ZNF419: variants seen among roughly 807,000 people sequenced by gnomAD.
ZNF419 encodes zinc finger protein 419A.
Under a neutral mutation model 14.9 loss-of-function variants are expected in ZNF419, and 8 were observed. The ratio of observed to expected loss-of-function variants is 0.54; its 90% CI spans 0.32 to 0.97. ZNF419 has a LOEUF of 0.97. ZNF419 is among the 50% of genes least tolerant of loss of function. The probability of loss-of-function intolerance (pLI) is 0.04; values close to 1 mark genes in which losing one functional copy is unlikely to be tolerated. For synonymous variants in ZNF419, 211 were observed against 205.3 expected (o/e 1.03, Z -0.24); for missense variants, 595 against 607.2 (o/e 0.98, Z 0.21).
At chr19:57,491,297 A>G (rs6510084) in intron 2 of ZNF419, 174 bp from the exon 3 acceptor site, 630,224 of 903,870 alleles carry the variant, frequency 0.7, 220,288 homozygotes, top group South Asian at 0.79. Context: ...CTACCTGCCT[A>G]TTGTTGCTCA....
In ZNF419 at chr19:57,495,768, A is replaced by C. The variant is rs1219995203; in HGVS notation, c.*1678A>C. The stretch of plus-strand genomic sequence containing the variant: ...AAAAAAAAAAAAAAAAAAAAAAAAA[A>C]AGCCTTATGTGAGTATGCTACTGTA... On this transcript the variant is annotated 3_prime_UTR_variant, in exon 5 of 5. Transcript: ENST00000221735. 1 of 122,306 alleles carries C rather than the reference A, an allele frequency of 8.2e-6. No individual in the cohort carries two copies. Among genetic ancestry groups the C allele is most frequent in the Non-Finnish European group, 1.7e-5 (1 of 59,896 alleles). The allele number at this position is 122,306 out of a possible 1,614,324, so 7.6% of individuals were successfully genotyped here. A position where few individuals can be genotyped will look rare whatever the true frequency, so the allele number is the denominator to read the frequency against.
In ZNF419 at chr19:57,493,716, A is replaced by C. The variant is rs754985216; in HGVS notation, c.1159A>C (p.Met387Leu). The change falls in exon 5 of 5, where the codon ATG becomes CTG. Residue 387 changes from methionine (M) to leucine (L), a missense_variant. Physicochemically the swap from Met to Leu is conservative, Grantham distance 15. Transcript: ENST00000221735. ...GKFFTQCSSL[M>L]QHQKVHTGEK... ...ATTTTTTACCCAATGCTCAAGCCTC[A>C]TGCAACATCAAAAAGTTCACACTGG... is the stretch of plus-strand genomic sequence containing the variant. 3 of 1,613,998 alleles carry C rather than the reference A, an allele frequency of 1.9e-6. No individual in the cohort carries two copies. The highest frequency in any genetic ancestry group is 3.3e-5 in the Admixed American group (2 of 60,002).
At chr19:57,489,365 A>G (rs1033677554) in intron 1 of ZNF419, 1 of 152,278 alleles carries the variant, frequency 6.6e-6, no homozygotes, top group Admixed American at 6.5e-5. Flanking sequence ...GCACTTCATA[A>G]TTGGTTGTAA....
rs778957137 is a variant in ZNF419 at position 57,492,867 on chromosome 19, G to A, written c.310G>A (p.Gly104Arg). ...TTATCTTCTGTCAGGTTGTTGGCAT[G>A]GAGCCGAGGCTGAGGAGGCTCCTGA... The part of the protein sequence containing the change: ...TSAIPRGCWH[G>R]AEAEEAPEQI... The change falls in exon 5 of 5, where the codon GGA becomes AGA. Residue 104 changes from glycine (G) to arginine (R), a missense_variant. Transcript: ENST00000221735. 2 of 1,613,488 alleles carry A rather than the reference G, an allele frequency of 1.2e-6. No individual in the cohort carries two copies. The highest frequency in any genetic ancestry group is 1.7e-6 in the Non-Finnish European group (2 of 1,179,618).
At chr19:57,491,626 C>T (rs2123202897) in intron 3 of ZNF419, 29 bp downstream of exon 3, 1 of 1,614,124 alleles carries the variant, frequency 6.2e-7, no homozygotes, top group East Asian at 2.2e-5. Context: ...ACCCCAGCAT[C>T]CTGAGCTGGG....
rs2089390022 is a variant in ZNF419 at position 57,487,868 on chromosome 19, C to G, written c.-83C>G. The G allele has an allele frequency of 6.3e-7, 1 of 1,596,504 alleles. No individual in the cohort carries two copies. Among genetic ancestry groups the G allele is most frequent in the Non-Finnish European group, 8.6e-7 (1 of 1,166,816 alleles). ...CTGTTCTCGCCGCTCAGAGGCGGGT[C>G]TGAGGCTCGGTGGCGGCGCCCAGGG... is the stretch of plus-strand genomic sequence containing the variant. On this transcript the variant is annotated 5_prime_UTR_variant, in exon 1 of 5. Transcript: ENST00000221735.
chr19:57,490,226 C>G lies in ZNF419; in HGVS notation c.72+41C>G, dbSNP rs753829402. The G allele has an allele frequency of 2.5e-6, 4 of 1,593,704 alleles. No individual in the cohort carries two copies. In the African/African-American group the frequency reaches 4.0e-5, roughly 16 times the overall value. Reference sequence around the variant, plus strand: ...CTCAGGTCCTCACACTCCTGCACTCCTACCTACATGGTCTTCAGAATTATG... The same window carrying G: ...CTCAGGTCCTCACACTCCTGCACTCGTACCTACATGGTCTTCAGAATTATG... On this transcript the variant is annotated intron_variant, in intron 2 of 4. Transcript: ENST00000221735.
chr19:57,488,076 G>C, intron 1 of ZNF419, 93 bp downstream of exon 1: 1 of 1,559,962 alleles, frequency 6.4e-7, no homozygotes, highest in Non-Finnish European at 8.7e-7. Context: ...TGGGGCGTTC[G>C]TGCGCGGCGT....
Position 57,493,239 on chromosome 19 carries a change from A to G in ZNF419, c.682A>G (p.Lys228Glu), listed in dbSNP as rs2089537361. 1 of 1,614,254 alleles carries G rather than the reference A, an allele frequency of 6.2e-7. No individual in the cohort carries two copies. The highest frequency in any genetic ancestry group is 8.5e-7 in the Non-Finnish European group (1 of 1,180,050). ...LVQHQRLHAG[K>E]KTYECSECGK... ...TCAGCACCAGAGACTACATGCTGGGAAAAAGACGTATGAATGCAGTGAATG... is the reference window on the plus strand; with the variant it reads ...TCAGCACCAGAGACTACATGCTGGGGAAAAGACGTATGAATGCAGTGAATG... The change falls in exon 5 of 5, where the codon AAA becomes GAA. Residue 228 changes from lysine (K) to glutamate (E), a missense_variant. Transcript: ENST00000221735.
At chr19:57,490,257 T>C in intron 2 of ZNF419, 72 bp downstream of exon 2, 1 of 1,446,668 alleles carries the variant, frequency 6.9e-7, no homozygotes, top group African/African-American at 1.4e-5. Flanking sequence ...TTATGGTGTC[T>C]TGAGGCTCCT....
chr19:57,490,882 T>A (rs947714024), intron 2 of ZNF419: 9 of 160,192 alleles, frequency 5.6e-5, no homozygotes, highest in African/African-American at 2.2e-4. Flanking sequence ...CAATTCCAAG[T>A]AGCTAAAGAT....
Position 57,487,840 on chromosome 19 carries a change from A to G in ZNF419, c.-111A>G. On this transcript the variant is annotated 5_prime_UTR_variant, in exon 1 of 5. Transcript: ENST00000221735. ...GCGCCGGAAGGCACGGTGGCGACTC[A>G]CGCTGTTCTCGCCGCTCAGAGGCGG... 2.0e-6 allele frequency: 3 copies of G among 1,523,746 alleles called. No homozygotes were observed. Among genetic ancestry groups the G allele is most frequent in the Non-Finnish European group, 2.7e-6 (3 of 1,101,542 alleles). The allele number at this position is 1,523,746 out of a possible 1,614,324, so 94.4% of individuals were successfully genotyped here.
intron 2 of ZNF419, 91 bp downstream of exon 2, chr19:57,490,276 A>G: frequency 1.6e-6 from 2 of 1,262,096 alleles, no homozygotes; most frequent in Non-Finnish European, 2.3e-6. Context: ...CTTGCTGGCT[A>G]TTCTCCCTAC....
rs62126199 is a variant in ZNF419, at chr19:57,494,168, A to G, written c.*78A>G. On this transcript the variant is annotated 3_prime_UTR_variant, in exon 5 of 5. Coordinates refer to ENST00000221735, the MANE Select transcript of ZNF419 (RefSeq NM_024691.4). ...CACAGTGGAAAAAATCTTGAAGGTA[A>G]CAGATGGAAATCCGTTAGCCACACC... is the stretch of plus-strand genomic sequence containing the variant. 0.13 allele frequency: 192,997 copies of G among 1,525,966 alleles called. 13,540 individuals are homozygous for G. The highest frequency in any genetic ancestry group is 0.18 in the Admixed American group (8,360 of 45,482). The allele number at this position is 1,525,966 out of a possible 1,614,324, so 94.5% of individuals were successfully genotyped here. A position where few individuals can be genotyped will look rare whatever the true frequency, so the allele number is the denominator to read the frequency against.
rs375737196 is a variant in ZNF419, at chr19:57,491,039, TGTG to T, written c.73-428_73-426del. On this transcript the variant is annotated intron_variant, in intron 2 of 4. Transcript: ENST00000221735. ...TCTGGATGCCATGTGTAGACTGGCATGTGGTGACACTAGGGGAAGCACATGAGG... is the reference window on the plus strand; with the variant it reads ...TCTGGATGCCATGTGTAGACTGGCATGTGACACTAGGGGAAGCACATGAGG... The T allele has an allele frequency of 1.2e-3, 210 of 179,924 alleles. 1 individual carries two copies. Among genetic ancestry groups the T allele is most frequent in the African/African-American group, 4.6e-3 (194 of 42,606 alleles). The allele number at this position is 179,924 out of a possible 1,614,324, so 11.1% of individuals were successfully genotyped here.
At chr19:57,492,434 G>A in intron 4 of ZNF419, 1 of 773,076 alleles carries the variant, frequency 1.3e-6, no homozygotes, top group East Asian at 2.4e-5. Flanking sequence ...CTTCAGCAGT[G>A]GCTTTCACTG....
rs1909889548 is a variant in ZNF419, at chr19:57,494,981, C to T, written c.*891C>T. 6.5e-6 allele frequency: 1 copy of T among 152,782 alleles called. No individual in the cohort carries two copies. Among genetic ancestry groups the T allele is most frequent in the African/African-American group, 2.4e-5 (1 of 41,470 alleles). The allele number at this position is 152,782 out of a possible 1,614,324, so 9.5% of individuals were successfully genotyped here. A position where few individuals can be genotyped will look rare whatever the true frequency, so the allele number is the denominator to read the frequency against. On this transcript the variant is annotated 3_prime_UTR_variant, in exon 5 of 5. Transcript: ENST00000221735. ...CTTAATTTGTATTTTTCCGATGACT[C>T]AGTTTTGAGCATTTTTTAATGTGTT...
In ZNF419 at chr19:57,490,084, G is replaced by A. The variant is rs2089448498; in HGVS notation, c.34-63G>A. The A allele has an allele frequency of 5.2e-6, 8 of 1,525,798 alleles. No homozygotes were observed. In the Admixed American group the frequency reaches 1.4e-4, roughly 26 times the overall value. 94.5% of individuals were successfully genotyped at this position (1,525,798 alleles called of 1,614,324 possible). On this transcript the variant is annotated intron_variant, in intron 1 of 4. Coordinates refer to ENST00000221735, the MANE Select transcript of ZNF419 (RefSeq NM_024691.4). ...GCACACCTGACTCCAGGCTAGACGA[G>A]TGGGCTTGGATGATCCTTTGGCAAC...
chr19:57,491,012 C>T (rs893613296), intron 2 of ZNF419: 2 of 166,544 alleles, frequency 1.2e-5, no homozygotes, highest in Admixed American at 1.1e-4. Context: ...TGGTAAGTGC[C>T]CTCTGGATGC....
Sources: allele counts gnomAD v4.1 joint callset, GRCh38; gene constraint gnomAD v4.1.1; transcripts MANE v1.5; gene names NCBI Gene and HGNC (gene_info 2026-07-23, HGNC 2026-07-21).